The following NBEA variants were observed in gnomAD, a reference collection of about 807,000 sequenced individuals.
NBEA encodes the protein lysosomal-trafficking regulator 2.
A neutral mutation model predicts 343.4 loss-of-function variants in NBEA; 44 were observed. That is an observed-to-expected ratio of 0.13 (90% CI 0.10 to 0.16). NBEA has a LOEUF of 0.16. Ranked by LOEUF, NBEA falls within the 10% of genes least tolerant of loss-of-function variation. The probability of loss-of-function intolerance (pLI) is 1.00; values close to 1 mark genes in which losing one functional copy is unlikely to be tolerated. For synonymous variants in NBEA, 1,175 were observed against 1,238.7 expected, an observed-to-expected ratio of 0.95 and a Z score of 1.08; for missense variants, 2,555 against 3,631.3, an observed-to-expected ratio of 0.70 and a Z score of 7.62.
rs1555355329 is a variant in NBEA, at chr13:35,284,015, CCA to C, written c.5777-6369_5777-6368del. 4.2e-3 allele frequency among the ~76,000 whole-genome samples: 631 copies of C among 150,236 alleles called. 5 individuals carry two copies. The highest frequency in any genetic ancestry group is 7.1e-3 in the African/African-American group (290 of 40,826). Reference sequence around the variant, plus strand: ...ACACACACACACACACACACACACACCACACAGATGCATGTACACACACATCT... The same window carrying C: ...ACACACACACACACACACACACACACCACAGATGCATGTACACACACATCT... On this transcript the variant is annotated intron_variant, in intron 34 of 58. Coordinates refer to ENST00000379939, the MANE Select transcript of NBEA (RefSeq NM_001385012.1).
At chr13:35,031,007 T>G (rs987860475) in intron 1 of NBEA, among the ~76,000 whole-genome samples, 1 of 151,652 alleles carries the variant, frequency 6.6e-6, no homozygotes, top group African/African-American at 2.4e-5. Flanking sequence ...TGTAATTATT[T>G]GGCTCTACCA....
chr13:35,574,380 C>CAA (rs1313695369), intron 45 of NBEA, among the ~76,000 whole-genome samples: 290 of 124,752 alleles, frequency 2.3e-3, no homozygotes, highest in Non-Finnish European at 3.3e-3. Flanking sequence ...TATACACTAT[C>CAA]AAAAAAAAAG....
At chr13:35,127,067 A>G (rs543873918) in intron 17 of NBEA, among the ~76,000 whole-genome samples, 34 of 152,296 alleles carry the variant, frequency 2.2e-4, no homozygotes, top group Non-Finnish European at 3.8e-4. Flanking sequence ...TTTAGAGGAC[A>G]TATTGTTTGC....
intron 33 of NBEA, among the ~76,000 whole-genome samples, chr13:35,216,897 T>C (rs75258341): frequency 0.042 from 6,367 of 152,042 alleles, 164 homozygotes; most frequent in African/African-American, 0.086. Context: ...CATTTTTGTT[T>C]CTCTGGGATA....
intron 38 of NBEA, among the ~76,000 whole-genome samples, chr13:35,417,073 G>A (rs564988442): frequency 2.0e-5 from 3 of 152,022 alleles, no homozygotes; most frequent in Non-Finnish European, 2.9e-5. Context: ...CTGTGGAAAC[G>A]GTGGTGATGT....
intron 34 of NBEA, among the ~76,000 whole-genome samples, chr13:35,235,152 A>G (rs1207028064): frequency 2.0e-5 from 3 of 152,190 alleles, no homozygotes; most frequent in Non-Finnish European, 4.4e-5. Context: ...AAAAGGTACT[A>G]GGTTATCAGT....
intron 38 of NBEA, among the ~76,000 whole-genome samples, chr13:35,390,274 G>C (rs953905677): frequency 6.6e-6 from 1 of 151,970 alleles, no homozygotes; most frequent in Non-Finnish European, 1.5e-5. Context: ...GACACTCAGG[G>C]TAGATATATT....
At chr13:35,215,208 A>C (rs1424750014) in intron 33 of NBEA, among the ~76,000 whole-genome samples, 1 of 151,536 alleles carries the variant, frequency 6.6e-6, no homozygotes, top group East Asian at 1.9e-4. Flanking sequence ...TTTAATTACA[A>C]CTCTGTTGAA....
chr13:35,295,167 G>C (rs972883472), intron 35 of NBEA, among the ~76,000 whole-genome samples: 10 of 148,150 alleles, frequency 6.7e-5, no homozygotes, highest in African/African-American at 2.5e-4. Flanking sequence ...ATATTTATTT[G>C]TTTATCTAGG....
chr13:35,087,181 T>A (rs550980948), intron 10 of NBEA, among the ~76,000 whole-genome samples: 1 of 151,870 alleles, frequency 6.6e-6, no homozygotes, highest in African/African-American at 2.4e-5. Context: ...ATTTTTATTA[T>A]AGTTGTCTGT....
At chr13:35,324,976 T>G (rs1792555089) in intron 36 of NBEA, among the ~76,000 whole-genome samples, 1 of 152,120 alleles carries the variant, frequency 6.6e-6, no homozygotes, top group Admixed American at 6.6e-5. Context: ...GCAAATGTGG[T>G]CCTAATTTTA....
At chr13:35,113,586 CATCTATCTATCTATCT>C (rs71078081) in intron 13 of NBEA, among the ~76,000 whole-genome samples, 8 of 146,804 alleles carry the variant, frequency 5.4e-5, no homozygotes, top group South Asian at 4.3e-4. Flanking sequence ...CTCCTCCACT[CATCTATCTATCTATCT>C]ATCTATCTAT....
intron 38 of NBEA, among the ~76,000 whole-genome samples, chr13:35,369,960 G>A (rs1329071059): frequency 6.6e-6 from 1 of 151,914 alleles, no homozygotes; most frequent in African/African-American, 2.4e-5. Flanking sequence ...GTCAGTCTTG[G>A]AGAATGTTCC....
At chr13:35,229,307 T>C (rs920049966) in intron 33 of NBEA, among the ~76,000 whole-genome samples, 1 of 152,130 alleles carries the variant, frequency 6.6e-6, no homozygotes, top group Non-Finnish European at 1.5e-5. Flanking sequence ...GCTGGAATTA[T>C]AGGTATGAGC....
chr13:35,391,656 G>A (rs565448684), intron 38 of NBEA, among the ~76,000 whole-genome samples: 6 of 151,818 alleles, frequency 4.0e-5, no homozygotes, highest in Admixed American at 3.3e-4. Context: ...CATGAAGTAT[G>A]TGTATATAAA....
chr13:34,998,414 A>G (rs1369136886), intron 1 of NBEA, among the ~76,000 whole-genome samples: 1 of 152,184 alleles, frequency 6.6e-6, no homozygotes, highest in Non-Finnish European at 1.5e-5. Flanking sequence ...TGGTCTGACC[A>G]AAATTTTTTA....
chr13:35,418,717 C>T (rs2044098309), intron 38 of NBEA, among the ~76,000 whole-genome samples: 1 of 151,910 alleles, frequency 6.6e-6, no homozygotes, highest in Non-Finnish European at 1.5e-5. Context: ...CTTTTTTGAA[C>T]ATATTATTCT....
chr13:35,474,587 C>T (rs2075783567), intron 41 of NBEA: 1 of 153,598 alleles, frequency 6.5e-6, no homozygotes, highest in Non-Finnish European at 1.4e-5. Context: ...AAAACACCAA[C>T]ATCCACACTT....
chr13:35,186,033 G>C (rs982138152), intron 30 of NBEA: 1 of 152,160 alleles, frequency 6.6e-6, no homozygotes, highest in African/African-American at 2.4e-5. Context: ...GCCCAGCTCG[G>C]TGGTGCATGC....
Sources: allele counts gnomAD v4.1 joint callset (sites outside exome capture counted in the v4.1 genomes callset), GRCh38; gene constraint gnomAD v4.1.1; transcripts MANE v1.5; gene names NCBI Gene and HGNC (gene_info 2026-07-23, HGNC 2026-07-21).